Variants in ESCO2 observed in about 807,000 individuals in gnomAD.
ESCO2 encodes establishment of sister chromatid cohesion N-acetyltransferase 2.
ESCO2 carries 51 observed loss-of-function variants against 61.7 expected under a neutral mutation model. That is an observed-to-expected ratio of 0.83 (90% CI 0.66 to 1.04). The LOEUF (loss-of-function observed/expected upper bound fraction) is 1.04, where lower values mean the gene tolerates loss of function less well. Among genes scored for constraint, ESCO2 ranks in the 50% least tolerant of loss-of-function variants. ESCO2 has a pLI of 0.00. For missense variants in ESCO2, 692 were observed against 686.2 expected (o/e 1.01, Z -0.09); for synonymous variants, 230 against 238.2 (o/e 0.97, Z 0.32).
At chr8:27,797,454 CTA>C (rs1305581910) in intron 9 of ESCO2, among the ~76,000 whole-genome samples, 1 of 150,704 alleles carries the variant, frequency 6.6e-6, no homozygotes, top group African/African-American at 2.4e-5. Context: ...CACTTTCAGT[CTA>C]TGTGAGTCTT....
intron 4 of ESCO2, among the ~76,000 whole-genome samples, chr8:27,780,907 GTGC>G: frequency 6.6e-6 from 1 of 152,140 alleles, no homozygotes. Flanking sequence ...TATTTACTGA[GTGC>G]TGAATATAAG....
chr8:27,782,899 A>G (rs1804956641), intron 4 of ESCO2, among the ~76,000 whole-genome samples: 1 of 151,978 alleles, frequency 6.6e-6, no homozygotes, highest in African/African-American at 2.4e-5. Context: ...GTTATGCTAT[A>G]CAGTTCTAAT....
chr8:27,806,330 C>G (rs1585415424), downstream of ESCO2, among the ~76,000 whole-genome samples: 3 of 152,230 alleles, frequency 2.0e-5, no homozygotes, highest in South Asian at 6.2e-4. Flanking sequence ...ATGTGTATGT[C>G]TATTTCTGCC....
downstream of ESCO2, among the ~76,000 whole-genome samples, chr8:27,808,490 T>C (rs1175430037): frequency 7.9e-5 from 12 of 151,452 alleles, no homozygotes; most frequent in African/African-American, 2.7e-4. Flanking sequence ...CCTGAGCAAC[T>C]TGGTAAAACC....
chr8:27,816,355 A>ATATATT (rs1024094999), downstream of ESCO2, among the ~76,000 whole-genome samples: 2 of 140,944 alleles, frequency 1.4e-5, no homozygotes, highest in African/African-American at 5.4e-5. Flanking sequence ...ATATATATAT[A>ATATATT]TATTTATTTA....
At chr8:27,810,674 G>A (rs756308805), downstream of ESCO2, among the ~76,000 whole-genome samples, 6 of 152,132 alleles carry the variant, frequency 3.9e-5, no homozygotes, top group Non-Finnish European at 8.8e-5. Context: ...ATTTGCTTTA[G>A]TCTTGGATTT....
chr8:27,811,627 A>G (rs1805686111), downstream of ESCO2, among the ~76,000 whole-genome samples: 1 of 152,230 alleles, frequency 6.6e-6, no homozygotes, highest in South Asian at 2.1e-4. Flanking sequence ...AGAAAGAAAT[A>G]GGTCCACTCA....
chr8:27,784,324 A>G (rs1468224263), intron 5 of ESCO2, among the ~76,000 whole-genome samples: 1 of 152,218 alleles, frequency 6.6e-6, no homozygotes, highest in African/African-American at 2.4e-5. Context: ...TACCCATAAT[A>G]AGTAGTTTTA....
chr8:27,794,588 G>C (rs1805254179), intron 9 of ESCO2, among the ~76,000 whole-genome samples: 1 of 152,076 alleles, frequency 6.6e-6, no homozygotes, highest in Non-Finnish European at 1.5e-5. Flanking sequence ...TTTTCAGTTT[G>C]ATGTTACATT....
chr8:27,785,168 G>A (rs945122458), intron 5 of ESCO2, among the ~76,000 whole-genome samples: 32 of 152,250 alleles, frequency 2.1e-4, no homozygotes, highest in African/African-American at 7.7e-4. Flanking sequence ...GGCAGAACAA[G>A]AGAGTGTGCA....
the ESCO2 span, among the ~76,000 whole-genome samples, chr8:27,819,517 C>CTAT: frequency 6.6e-6 from 1 of 151,956 alleles, no homozygotes; most frequent in South Asian, 2.1e-4. Flanking sequence ...TTTTTGTTTC[C>CTAT]TATTTTATTA....
chr8:27,810,513 T>C (rs757247055), downstream of ESCO2: 9 of 1,536,374 alleles, frequency 5.9e-6, no homozygotes, highest in Middle Eastern at 3.6e-4. Flanking sequence ...TTGAAGGAGT[T>C]AGAGATTGAA....
At chr8:27,806,279 G>A (rs1202861318), downstream of ESCO2, among the ~76,000 whole-genome samples, 1 of 152,110 alleles carries the variant, frequency 6.6e-6, no homozygotes, top group Non-Finnish European at 1.5e-5. Flanking sequence ...CATGGTTTCA[G>A]GCATTCTACT....
At chr8:27,789,791 A>T (rs1478374037) in intron 7 of ESCO2, among the ~76,000 whole-genome samples, 1 of 152,034 alleles carries the variant, frequency 6.6e-6, no homozygotes, top group East Asian at 1.9e-4. Context: ...CAAAAAAAAA[A>T]AAAAAAAGCC....
intron 10 of ESCO2, among the ~76,000 whole-genome samples, chr8:27,800,568 A>G (rs1406318608): frequency 1.3e-5 from 2 of 152,166 alleles, no homozygotes; most frequent in Admixed American, 1.3e-4. Flanking sequence ...TGGTTTCTCA[A>G]AGTTAAACTG....
At chr8:27,774,883 C>A (rs1270487955) in intron 1 of ESCO2, 1 of 152,746 alleles carries the variant, frequency 6.5e-6, no homozygotes, top group African/African-American at 2.4e-5. Flanking sequence ...GCTTTCCTCT[C>A]CTACCTTTCC....
intron 9 of ESCO2, among the ~76,000 whole-genome samples, chr8:27,796,477 A>T (rs1805299606): frequency 6.6e-6 from 1 of 151,568 alleles, no homozygotes; most frequent in East Asian, 1.9e-4. Context: ...TTCTTTTTCT[A>T]ATTATTTGAG....
intron 9 of ESCO2, among the ~76,000 whole-genome samples, chr8:27,793,381 A>T (rs977665517): frequency 2.0e-5 from 3 of 152,144 alleles, no homozygotes; most frequent in African/African-American, 7.2e-5. Flanking sequence ...ACATTGTAAA[A>T]TGACTAAATC....
chr8:27,784,534 T>A (rs1804994134), intron 5 of ESCO2, among the ~76,000 whole-genome samples: 1 of 152,164 alleles, frequency 6.6e-6, no homozygotes, highest in Non-Finnish European at 1.5e-5. Context: ...TACAATTTAA[T>A]AAGCATTTAC....
Sources: gnomAD v4.1 joint callset for allele counts (sites outside exome capture counted in the v4.1 genomes callset) on GRCh38, gnomAD v4.1.1 for gene constraint, MANE v1.5 for transcripts, NCBI Gene and HGNC (gene_info 2026-07-23, HGNC 2026-07-21) for gene names.